The following TRPM5 variants were observed in gnomAD, a reference collection of about 807,000 sequenced individuals.
TRPM5 encodes the protein MLSN1 and TRP-related.
In TRPM5, 121 loss-of-function variants were observed where a neutral mutation model predicts 124.9. That is an observed-to-expected ratio of 0.97 (90% CI 0.84 to 1.13). The LOEUF is 1.13. Among genes scored for constraint, TRPM5 ranks in the 50% most tolerant of loss-of-function variants. The probability of loss-of-function intolerance (pLI) is 0.00; values close to 1 mark genes in which losing one functional copy is unlikely to be tolerated. For missense variants in TRPM5, 1,643 were observed against 1,589.1 expected, an observed-to-expected ratio of 1.03 and a Z score of -0.58; for synonymous variants, 781 against 700.5, an observed-to-expected ratio of 1.11 and a Z score of -1.81.
chr11:2,438,444 C>A, the TRPM5 span, among the ~76,000 whole-genome samples: 2 of 152,132 alleles, frequency 1.3e-5, no homozygotes, highest in African/African-American at 4.8e-5. The surrounding 1 kb of genome is among the most constrained non-coding windows in gnomAD (Gnocchi z 5.9). Context: ...GCGAGCGGAT[C>A]ACTTGAATCC....
At chr11:2,417,755 G>A (rs1213572675) in exon 7 of TRPM5, 1 of 1,601,076 alleles carries the variant, frequency 6.2e-7, no homozygotes, top group South Asian at 1.1e-5. Context: ...GGATGACCGT[G>A]TCCAGCTCCT....
At chr11:2,408,887 A>G (rs1850382281) in intron 18 of TRPM5, among the ~76,000 whole-genome samples, 1 of 152,110 alleles carries the variant, frequency 6.6e-6, no homozygotes, top group Admixed American at 6.5e-5. Context: ...GAGCCTGTAC[A>G]TGTGATTGGA....
intron 1 of TRPM5, among the ~76,000 whole-genome samples, chr11:2,422,694 G>T (rs1005044394): frequency 1.3e-5 from 2 of 151,732 alleles, no homozygotes; most frequent in South Asian, 2.1e-4. Context: ...CAAATCTCTC[G>T]GGGGGACTTC....
At chr11:2,414,009 G>GGGGGGGCCCCC in intron 12 of TRPM5, 52 bp downstream of exon 17, 32 of 1,023,698 alleles carry the variant, frequency 3.1e-5, no homozygotes, top group Non-Finnish European at 4.0e-5. Flanking sequence ...GGCCCAGCTC[G>GGGGGGGCCCCC]CCCGCCCACC....
exon 2 of TRPM5, chr11:2,422,282 A>G: frequency 7.4e-6 from 12 of 1,612,230 alleles, no homozygotes; most frequent in Non-Finnish European, 1.0e-5. Context: ...AGCAGGTCAA[A>G]GAGCACAGAC....
chr11:2,408,734 G>A (rs76384680), intron 18 of TRPM5, among the ~76,000 whole-genome samples: 4,465 of 152,324 alleles, frequency 0.029, 102 homozygotes, highest in Non-Finnish European at 0.044. Context: ...GGAAGGAGCC[G>A]CAGTGGGCGT....
the TRPM5 span, among the ~76,000 whole-genome samples, chr11:2,441,201 A>T: frequency 7.7e-4 from 117 of 152,214 alleles, 2 homozygotes; most frequent in Non-Finnish European, 1.6e-3. The surrounding 1 kb of genome is among the most constrained non-coding windows in gnomAD (Gnocchi z 7.2). Flanking sequence ...CACCCACCGG[A>T]ATGATAGAGG....
Position 2,407,265 on chromosome 11 carries a change from A to G in TRPM5, c.2972T>C (p.Met991Thr), listed in dbSNP as rs199741498. ...GTTGTAGCGCTGGAACTTCCAGAAC[A>G]TGTCTGCGTTGCCCTGCACCACCTG... The change falls in exon 20 of 24, where the codon ATG becomes ACG. Residue 991 changes from methionine to threonine, a missense_variant. By Grantham distance (81) the Met-to-Thr change is moderately conservative. Coordinates refer to ENST00000155858, the Ensembl canonical transcript of TRPM5. 1.8e-5 allele frequency: 29 copies of G among 1,611,924 alleles called. No individual in the cohort carries two copies. The East Asian group carries it at 3.8e-4, about 21-fold the overall frequency.
chr11:2,413,094 C>T (rs201488806), intron 14 of TRPM5, 40 bp downstream of exon 19: 116 of 1,547,340 alleles, frequency 7.5e-5, no homozygotes, highest in Non-Finnish European at 9.5e-5. Flanking sequence ...AGCCACCACC[C>T]GCCAGTCCCC....
rs1412096291 is a variant in TRPM5 at position 2,404,813 on chromosome 11, C to T, written c.*124G>A. The T allele has an allele frequency of 1.3e-5, 9 of 717,248 alleles. No homozygotes were observed. The Admixed American group carries it at 2.0e-4, about 16-fold the overall frequency. 44.4% of individuals were successfully genotyped at this position (717,248 alleles called of 1,614,324 possible). ...GGTCTGTGGTGAGGCACCAGGAGGG[C>T]CATTGTCTGCTGGGGGGCTGGTGCC... On this transcript the variant is annotated 3_prime_UTR_variant, in exon 24 of 24. Coordinates refer to ENST00000155858, the Ensembl canonical transcript of TRPM5.
chr11:2,411,415 G>T (rs749433565), exon 18 of TRPM5: 2 of 1,612,192 alleles, frequency 1.2e-6, no homozygotes, highest in South Asian at 2.2e-5. Flanking sequence ...AGCACCCGGC[G>T]GAAGATCCAC....
chr11:2,417,720 C>A lies in TRPM5; in HGVS notation c.1009+7G>T. On this transcript the variant is annotated splice_region_variant and intron_variant, in intron 7 of 23. Coordinates refer to ENST00000155858, the Ensembl canonical transcript of TRPM5. ...GCGCCTGCCTTGCCCACCCTGCCCG[C>A]CCTCACCTTTCACCAGCGCCTTCAG... 1 of 1,553,430 alleles carries A rather than the reference C, an allele frequency of 6.4e-7. No individual in the cohort carries two copies. The highest frequency in any genetic ancestry group is 8.8e-7 in the Non-Finnish European group (1 of 1,138,462).
chr11:2,430,016 C>T, the TRPM5 span, among the ~76,000 whole-genome samples: 1 of 149,116 alleles, frequency 6.7e-6, no homozygotes, highest in Admixed American at 6.7e-5. Context: ...CTTCATCTAT[C>T]CTGGTCCTTC....
exon 19 of TRPM5, chr11:2,407,839 G>A (rs1166721323): frequency 1.2e-6 from 2 of 1,613,942 alleles, no homozygotes; most frequent in African/African-American, 2.7e-5. Flanking sequence ...TGACCAGCCA[G>A]TTGGCATAGA....
At chr11:2,434,489 C>T in the TRPM5 span, among the ~76,000 whole-genome samples, 14 of 139,992 alleles carry the variant, frequency 1.0e-4, no homozygotes, top group East Asian at 2.2e-4. Context: ...TGTGTATAGC[C>T]GCACTGTGTG....
At chr11:2,429,628 G>A in the TRPM5 span, among the ~76,000 whole-genome samples, 1 of 151,720 alleles carries the variant, frequency 6.6e-6, no homozygotes, top group African/African-American at 2.4e-5. This position sits in a 1 kb window ranked among gnomAD's most constrained non-coding sequence, Gnocchi z 8.4. Flanking sequence ...GATTGTGGTG[G>A]TGATAATGGT....
chr11:2,434,253 C>G, the TRPM5 span, among the ~76,000 whole-genome samples: 6 of 148,644 alleles, frequency 4.0e-5, no homozygotes, highest in Admixed American at 4.0e-4. Context: ...TGCGTGGACA[C>G]TGTGTGTGCG....
exon 12 of TRPM5, chr11:2,414,063 G>C: frequency 7.7e-7 from 1 of 1,301,382 alleles, no homozygotes. Context: ...GCACTCACCT[G>C]AACGCCGTCG....
chr11:2,441,405 A>C, the TRPM5 span, among the ~76,000 whole-genome samples: 1 of 149,176 alleles, frequency 6.7e-6, no homozygotes, highest in African/African-American at 2.5e-5. This position sits in a 1 kb window ranked among gnomAD's most constrained non-coding sequence, Gnocchi z 7.2. Context: ...TTACTCCCCC[A>C]CCCTCAGCCC....
Sources: allele counts gnomAD v4.1 joint callset (sites outside exome capture counted in the v4.1 genomes callset), GRCh38; gene constraint gnomAD v4.1.1; non-coding constraint Gnocchi (gnomAD v3.1); transcripts MANE v1.5; gene names NCBI Gene and HGNC (gene_info 2026-07-23, HGNC 2026-07-21).